WBP1L: variants seen among roughly 807,000 people sequenced by gnomAD.
WBP1L encodes the protein WW domain binding protein 1 like.
In WBP1L, 17 loss-of-function variants were observed where a neutral mutation model predicts 33.7. That is an observed-to-expected ratio of 0.50 (90% CI 0.34 to 0.76). WBP1L has a LOEUF of 0.76. Among genes scored for constraint, WBP1L ranks in the 30% least tolerant of loss-of-function variants. WBP1L has a pLI of 0.01. For synonymous variants in WBP1L, 173 were observed against 190.8 expected (o/e 0.91, Z 0.77); for missense variants, 389 against 469.4 (o/e 0.83, Z 1.58).
chr10:102,758,338 AAAG>A (rs1191525457), intron 1 of WBP1L, among the ~76,000 whole-genome samples: 1 of 152,126 alleles, frequency 6.6e-6, no homozygotes, highest in Non-Finnish European at 1.5e-5. Flanking sequence ...ATCACTCCAA[AAAG>A]AAGCCTTATA....
intron 3 of WBP1L, 150 bp downstream of exon 3, chr10:102,810,204 G>A: frequency 9.2e-7 from 1 of 1,086,416 alleles, no homozygotes; most frequent in Non-Finnish European, 1.3e-6. Context: ...GAAAGTACAG[G>A]AACAAGGGGA....
intron 3 of WBP1L, among the ~76,000 whole-genome samples, chr10:102,810,330 C>T (rs1047211902): frequency 6.6e-6 from 1 of 152,070 alleles, no homozygotes; most frequent in Non-Finnish European, 1.5e-5. Context: ...TTAGCACCTG[C>T]GTACATACCT....
chr10:102,764,729 C>A (rs1259565953), intron 1 of WBP1L, among the ~76,000 whole-genome samples: 4 of 152,086 alleles, frequency 2.6e-5, no homozygotes, highest in Non-Finnish European at 4.4e-5. Flanking sequence ...AAATCTTAGA[C>A]CTGGAGTAGA....
intron 1 of WBP1L, 63 bp downstream of exon 1, chr10:102,744,206 G>A (rs939383164): frequency 6.8e-7 from 1 of 1,464,508 alleles, no homozygotes; most frequent in African/African-American, 1.4e-5. Context: ...CTGGCTGGAG[G>A]GGTCTGAAGG....
intron 1 of WBP1L, among the ~76,000 whole-genome samples, chr10:102,776,980 T>C (rs1843273577): frequency 6.6e-6 from 1 of 152,022 alleles, no homozygotes; most frequent in Non-Finnish European, 1.5e-5. Context: ...ATTTTGGCCT[T>C]ACTGACCAGT....
rs1475728106 is a variant in WBP1L, at chr10:102,815,296, C to T, written c.*1965C>T. 2 of 152,638 alleles carry T rather than the reference C, an allele frequency of 1.3e-5. No individual in the cohort carries two copies. The highest frequency in any genetic ancestry group is 2.9e-5 in the Non-Finnish European group (2 of 68,044). 9.5% of individuals were successfully genotyped at this position (152,638 alleles called of 1,614,324 possible). ...TCATCACTGCGATTTGCACATTGCTCCGTGGACACTCGGAGGCCTGCGTTC... is the reference window on the plus strand; with the variant it reads ...TCATCACTGCGATTTGCACATTGCTTCGTGGACACTCGGAGGCCTGCGTTC... On this transcript the variant is annotated 3_prime_UTR_variant, in exon 4 of 4. Transcript: ENST00000448841.
At chr10:102,775,668 G>A (rs1434816017) in intron 1 of WBP1L, among the ~76,000 whole-genome samples, 1 of 152,146 alleles carries the variant, frequency 6.6e-6, no homozygotes, top group Non-Finnish European at 1.5e-5. Flanking sequence ...CCTTAGCTGG[G>A]GAAAAGGTGC....
intron 3 of WBP1L, among the ~76,000 whole-genome samples, chr10:102,811,763 G>A (rs753198535): frequency 6.6e-6 from 1 of 152,152 alleles, no homozygotes; most frequent in Non-Finnish European, 1.5e-5. Context: ...TGCCCGCCTC[G>A]GCTTCCCACA....
chr10:102,784,627 G>A (rs184982126), intron 1 of WBP1L, among the ~76,000 whole-genome samples: 58 of 151,658 alleles, frequency 3.8e-4, no homozygotes, highest in South Asian at 2.5e-3. Flanking sequence ...GGGTTTCACC[G>A]TGTTAGCCAG....
At chr10:102,760,480 G>A (rs1284978106) in intron 1 of WBP1L, among the ~76,000 whole-genome samples, 4 of 150,210 alleles carry the variant, frequency 2.7e-5, no homozygotes, top group African/African-American at 7.4e-5. Flanking sequence ...GGGTTCAAGC[G>A]ATTCTCCTGC....
chr10:102,776,302 A>G (rs1843261125), intron 1 of WBP1L: 11 of 1,612,632 alleles, frequency 6.8e-6, no homozygotes, highest in African/African-American at 1.3e-5. Context: ...CACCGCACAC[A>G]CAGGCCCACC....
intron 1 of WBP1L, among the ~76,000 whole-genome samples, chr10:102,751,702 A>G (rs1842925946): frequency 6.6e-6 from 1 of 152,224 alleles, no homozygotes; most frequent in Non-Finnish European, 1.5e-5. Flanking sequence ...TTTCCAGAGT[A>G]GGGATTTGGT....
At chr10:102,781,696 G>C (rs1459437964) in intron 1 of WBP1L, among the ~76,000 whole-genome samples, 1 of 152,116 alleles carries the variant, frequency 6.6e-6, no homozygotes, top group African/African-American at 2.4e-5. Context: ...GCTGTATATA[G>C]CAGCAAACAC....
chr10:102,788,669 A>G (rs1189044859), intron 1 of WBP1L, among the ~76,000 whole-genome samples: 1 of 152,150 alleles, frequency 6.6e-6, no homozygotes, highest in Non-Finnish European at 1.5e-5. Context: ...TACCAAAATC[A>G]TTTAGAACTT....
At chr10:102,807,998 G>T (rs1843761557) in intron 2 of WBP1L, among the ~76,000 whole-genome samples, 1 of 152,006 alleles carries the variant, frequency 6.6e-6, no homozygotes, top group Admixed American at 6.6e-5. Context: ...CTTGAGCCCA[G>T]GGTTCAAGAC....
chr10:102,751,102 G>A (rs1444989261), intron 1 of WBP1L, among the ~76,000 whole-genome samples: 2 of 151,892 alleles, frequency 1.3e-5, no homozygotes, highest in Non-Finnish European at 2.9e-5. Flanking sequence ...CTGGGTTCAA[G>A]TGATTCTCCT....
At chr10:102,800,730 T>C (rs1181358205) in intron 2 of WBP1L, among the ~76,000 whole-genome samples, 1 of 152,060 alleles carries the variant, frequency 6.6e-6, no homozygotes, top group Non-Finnish European at 1.5e-5. Context: ...GGGAGGGAGG[T>C]TGATGTTGGA....
At position 102,809,825 on chromosome 10, in the gene WBP1L, T is replaced by C. The variant is rs898591813; in HGVS notation, c.194-68T>C. The C allele has an allele frequency of 2.6e-5, 40 of 1,534,252 alleles. No homozygotes were observed. In the East Asian group the frequency reaches 8.4e-4, roughly 32 times the overall value. ...TGGGCACCGTCCAGGGACCTCCCTG[T>C]TCCGCAAGCTGCCCCTCTGGCTGGT... is the stretch of plus-strand genomic sequence containing the variant. On this transcript the variant is annotated intron_variant, in intron 2 of 3. Transcript: ENST00000448841.
chr10:102,804,784 C>T (rs1025368306), intron 2 of WBP1L, among the ~76,000 whole-genome samples: 1 of 152,096 alleles, frequency 6.6e-6, no homozygotes, highest in Non-Finnish European at 1.5e-5. Flanking sequence ...ACATTTTGGC[C>T]TCTAAGTGAC....
Sources: allele counts gnomAD v4.1 joint callset (sites outside exome capture counted in the v4.1 genomes callset), GRCh38; gene constraint gnomAD v4.1.1; transcripts MANE v1.5; gene names NCBI Gene and HGNC (gene_info 2026-07-23, HGNC 2026-07-21).